Variants in SKAP2 observed in about 807,000 individuals in gnomAD.
The protein encoded by SKAP2 is src kinase-associated phosphoprotein 2.
Under a neutral mutation model 54.9 loss-of-function variants are expected in SKAP2, and 28 were observed. The observed-to-expected ratio is 0.51, with a 90% CI of 0.38 to 0.70. The LOEUF (loss-of-function observed/expected upper bound fraction) is 0.70. SKAP2 is among the 30% of genes least tolerant of loss of function. SKAP2 has a pLI of 0.00. For missense variants in SKAP2, 356 were observed against 424.1 expected (o/e 0.84, Z 1.41); for synonymous variants, 137 against 134.3 (o/e 1.02, Z -0.14).
At chr7:26,677,755 C>G (rs1786383034) in intron 11 of SKAP2, among the ~76,000 whole-genome samples, 1 of 152,208 alleles carries the variant, frequency 6.6e-6, no homozygotes, top group Non-Finnish European at 1.5e-5. Flanking sequence ...TAATTGCAGT[C>G]TCCTTGAATA....
chr7:26,678,845 T>G (rs1401675283), intron 11 of SKAP2, among the ~76,000 whole-genome samples: 2 of 152,174 alleles, frequency 1.3e-5, no homozygotes. Context: ...AGTCTATCTC[T>G]AGTCTCTATG....
At chr7:26,706,624 C>T (rs1787161763) in intron 9 of SKAP2, among the ~76,000 whole-genome samples, 1 of 152,152 alleles carries the variant, frequency 6.6e-6, no homozygotes, top group South Asian at 2.1e-4. Flanking sequence ...GATATTCTCT[C>T]TCTTAATAAC....
intron 4 of SKAP2, among the ~76,000 whole-genome samples, chr7:26,782,435 A>C (rs1783447341): frequency 6.6e-6 from 1 of 152,208 alleles, no homozygotes; most frequent in Non-Finnish European, 1.5e-5. Context: ...TGTATTAAAT[A>C]ACACATCTTA....
intron 4 of SKAP2, among the ~76,000 whole-genome samples, chr7:26,740,783 C>T (rs1217895722): frequency 6.6e-6 from 1 of 151,898 alleles, no homozygotes; most frequent in Non-Finnish European, 1.5e-5. Context: ...GACAGGAGTT[C>T]GAGACCAGCC....
intron 4 of SKAP2, among the ~76,000 whole-genome samples, chr7:26,814,015 T>C (rs902559383): frequency 6.6e-6 from 1 of 152,166 alleles, no homozygotes; most frequent in African/African-American, 2.4e-5. Flanking sequence ...ACAACAGATT[T>C]AGCTGTGATA....
chr7:26,817,376 T>A (rs540564744), intron 4 of SKAP2, among the ~76,000 whole-genome samples: 3 of 152,042 alleles, frequency 2.0e-5, no homozygotes, highest in Non-Finnish European at 4.4e-5. Context: ...TATTTCATGA[T>A]AACGGACACT....
At chr7:26,722,169 A>C (rs1352135404) in intron 9 of SKAP2, among the ~76,000 whole-genome samples, 1 of 152,134 alleles carries the variant, frequency 6.6e-6, no homozygotes, top group African/African-American at 2.4e-5. Context: ...CATTCTCGCA[A>C]CTCTTTTGTA....
intron 11 of SKAP2, among the ~76,000 whole-genome samples, chr7:26,678,642 T>C (rs1019836991): frequency 2.0e-5 from 3 of 152,044 alleles, no homozygotes; most frequent in African/African-American, 7.2e-5. Flanking sequence ...GGTTTCACCA[T>C]GTTGGCCAGG....
At chr7:26,719,591 A>G (rs1219388230) in intron 9 of SKAP2, among the ~76,000 whole-genome samples, 2 of 152,192 alleles carry the variant, frequency 1.3e-5, no homozygotes, top group African/African-American at 4.8e-5. Context: ...AAGTATTCAC[A>G]CATCTACAAG....
intron 4 of SKAP2, among the ~76,000 whole-genome samples, chr7:26,842,026 A>G (rs1021936999): frequency 6.6e-6 from 1 of 151,978 alleles, no homozygotes; most frequent in African/African-American, 2.4e-5. Flanking sequence ...CACAAAATCT[A>G]AGTTGAAGAG....
rs1326571402 is a variant in SKAP2 at position 26,706,844 on chromosome 7, C to G, written c.797-16482G>C. Among the ~76,000 whole-genome samples the G allele has an allele frequency of 2.0e-5, 3 of 152,262 alleles. No individual in the cohort carries two copies. The East Asian group carries it at 5.8e-4, about 29-fold the overall frequency. ...ACATTAACCTAATTTAACATGACTT[C>G]AAATGCAAATATGTATTAGTCTTAG... On this transcript the variant is annotated intron_variant, in intron 9 of 12. Coordinates refer to ENST00000345317, the MANE Select transcript of SKAP2 (RefSeq NM_003930.5).
intron 4 of SKAP2, among the ~76,000 whole-genome samples, chr7:26,796,172 A>G (rs150863104): frequency 5.1e-4 from 78 of 152,354 alleles, no homozygotes; most frequent in African/African-American, 1.8e-3. Context: ...TGATGCTACG[A>G]AAAGTCAACA....
chr7:26,864,259 G>A, intron 1 of SKAP2, 104 bp downstream of exon 1: 1 of 1,399,854 alleles, frequency 7.1e-7, no homozygotes, highest in Non-Finnish European at 1.0e-6. Context: ...GACGTGGGAA[G>A]CGCGGGGAGG....
chr7:26,788,277 G>A (rs1001901940), intron 4 of SKAP2, among the ~76,000 whole-genome samples: 3 of 152,102 alleles, frequency 2.0e-5, no homozygotes, highest in African/African-American at 4.8e-5. Context: ...ATAATTAGAA[G>A]CAAGTCCTGG....
At chr7:26,760,062 A>G (rs961403731) in intron 4 of SKAP2, among the ~76,000 whole-genome samples, 3 of 152,232 alleles carry the variant, frequency 2.0e-5, no homozygotes, top group Non-Finnish European at 2.9e-5. Context: ...ATATAAAATA[A>G]CAAGTTTAAT....
At chr7:26,793,746 TCA>T (rs1361438028) in intron 4 of SKAP2, among the ~76,000 whole-genome samples, 8 of 152,306 alleles carry the variant, frequency 5.3e-5, no homozygotes, top group Admixed American at 4.6e-4. Flanking sequence ...CTTTAAACTC[TCA>T]CAGTCGATGA....
downstream of SKAP2, among the ~76,000 whole-genome samples, chr7:26,663,409 C>G (rs10271393): frequency 0.095 from 14,481 of 152,088 alleles, 703 homozygotes; most frequent in Middle Eastern, 0.16. Flanking sequence ...TCAAAAAACA[C>G]AACAGAAGTC....
At chr7:26,812,989 T>C (rs1375677321) in intron 4 of SKAP2, among the ~76,000 whole-genome samples, 1 of 152,212 alleles carries the variant, frequency 6.6e-6, no homozygotes, top group Non-Finnish European at 1.5e-5. Context: ...AGTTCATTCC[T>C]GTGAGAACTA....
At position 26,809,919 on chromosome 7, in the gene SKAP2, G is replaced by C; in HGVS notation, c.307+34111C>G. 1.3e-5 allele frequency among the ~76,000 whole-genome samples: 2 copies of C among 152,208 alleles called. 1 individual carries two copies. Among genetic ancestry groups the C allele is most frequent in the Non-Finnish European group, 2.9e-5 (2 of 68,046 alleles). On this transcript the variant is annotated intron_variant, in intron 4 of 12. Coordinates refer to ENST00000345317, the MANE Select transcript of SKAP2 (RefSeq NM_003930.5). ...TATGTATAAAATGGAATACCATTTAGCCTTTCAAAAGAAGGAAATCTTGTC... is the reference window on the plus strand; with the variant it reads ...TATGTATAAAATGGAATACCATTTACCCTTTCAAAAGAAGGAAATCTTGTC...
Sources: allele counts gnomAD v4.1 joint callset (sites outside exome capture counted in the v4.1 genomes callset), GRCh38; gene constraint gnomAD v4.1.1; transcripts MANE v1.5; gene names NCBI Gene and HGNC (gene_info 2026-07-23, HGNC 2026-07-21).